MYO5A: variants seen among roughly 807,000 people sequenced by gnomAD.
MYO5A encodes unconventional myosin-Va.
A neutral mutation model predicts 249.7 loss-of-function variants in MYO5A; 98 were observed. That is an observed-to-expected ratio of 0.39 (90% CI 0.33 to 0.46). The LOEUF is 0.46. Among genes scored for constraint, MYO5A ranks in the 20% least tolerant of loss-of-function variants. The probability of loss-of-function intolerance (pLI) is 0.98; values close to 1 mark genes in which losing one functional copy is unlikely to be tolerated. For missense variants in MYO5A, 1,696 were observed against 2,308.8 expected (o/e 0.73, Z 5.44); for synonymous variants, 778 against 810.6 (o/e 0.96, Z 0.68).
chr15:52,528,321 G>T (rs2077762483), intron 1 of MYO5A, among the ~76,000 whole-genome samples: 1 of 152,294 alleles, frequency 6.6e-6, no homozygotes, highest in South Asian at 2.1e-4. Flanking sequence ...CTCACAGAAA[G>T]GCTAGCTGGC....
intron 12 of MYO5A, among the ~76,000 whole-genome samples, chr15:52,391,513 C>T (rs2042235762): frequency 6.6e-6 from 1 of 152,214 alleles, no homozygotes; most frequent in African/African-American, 2.4e-5. Flanking sequence ...AAAGATACAA[C>T]TCCATCCCTC....
intron 1 of MYO5A, among the ~76,000 whole-genome samples, chr15:52,508,079 GC>G (rs58038146): frequency 0.15 from 22,748 of 151,946 alleles, 1,785 homozygotes; most frequent in Middle Eastern, 0.22. Context: ...TAGAGATGAT[GC>G]CCTTAACCAT....
chr15:52,395,401 AC>A (rs1346049954), intron 11 of MYO5A, among the ~76,000 whole-genome samples: 1 of 152,022 alleles, frequency 6.6e-6, no homozygotes, highest in Admixed American at 6.6e-5. Context: ...AAACCATACC[AC>A]TTGACCTCTC....
At chr15:52,489,863 GA>G (rs758529187) in intron 1 of MYO5A, among the ~76,000 whole-genome samples, 1 of 152,048 alleles carries the variant, frequency 6.6e-6, no homozygotes, top group Non-Finnish European at 1.5e-5. Context: ...TTCTACAGCT[GA>G]ACAGCAACAA....
chr15:52,406,545 C>G (rs1444825309), intron 8 of MYO5A, among the ~76,000 whole-genome samples: 2 of 152,148 alleles, frequency 1.3e-5, no homozygotes, highest in African/African-American at 4.8e-5. Flanking sequence ...GGTCCTGGTC[C>G]ACACTGTAAT....
intron 1 of MYO5A, 55 bp from the exon 2 acceptor site, chr15:52,433,340 T>C (rs2075583174): frequency 6.5e-6 from 6 of 918,086 alleles, no homozygotes; most frequent in African/African-American, 1.7e-5. Flanking sequence ...TTTACAATCA[T>C]ATATAAACAT....
At chr15:52,483,364 G>T (rs28417081) in intron 1 of MYO5A, among the ~76,000 whole-genome samples, 6,078 of 152,212 alleles carry the variant, frequency 0.04, 330 homozygotes, top group African/African-American at 0.13. Context: ...GGTCAACAGG[G>T]AGAGTGAGGG....
intron 25 of MYO5A, among the ~76,000 whole-genome samples, chr15:52,358,263 A>C (rs1481887900): frequency 1.3e-5 from 2 of 152,214 alleles, no homozygotes; most frequent in Admixed American, 1.3e-4. Flanking sequence ...GAGCTGCTAA[A>C]GTGGTACTAC....
At chr15:52,466,433 C>T (rs1029423900) in intron 1 of MYO5A, among the ~76,000 whole-genome samples, 2 of 152,150 alleles carry the variant, frequency 1.3e-5, no homozygotes, top group Non-Finnish European at 2.9e-5. Flanking sequence ...ACAGTGACTC[C>T]TATAGCCCAA....
intron 13 of MYO5A, 137 bp downstream of exon 13, chr15:52,389,101 C>T: frequency 2.5e-6 from 2 of 808,350 alleles, no homozygotes; most frequent in Non-Finnish European, 1.9e-6. Flanking sequence ...ACCAACATGT[C>T]AACACTGAAG....
intron 1 of MYO5A, among the ~76,000 whole-genome samples, chr15:52,468,513 T>G (rs2076395768): frequency 6.6e-6 from 1 of 151,952 alleles, no homozygotes; most frequent in African/African-American, 2.4e-5. Context: ...AAAAAAAATT[T>G]TTTTTAATTA....
chr15:52,373,868 A>G (rs767411462), intron 20 of MYO5A, among the ~76,000 whole-genome samples: 2 of 152,192 alleles, frequency 1.3e-5, no homozygotes, highest in Non-Finnish European at 2.9e-5. Context: ...GATCTGGAGT[A>G]GCTATCTTCA....
rs971317323 is a variant in MYO5A at position 52,308,586 on chromosome 15, C to T, written c.*5110G>A. On this transcript the variant is annotated 3_prime_UTR_variant, in exon 42 of 42. Transcript: ENST00000399233. ...ACACAGAGTCCCACTAACTCAGAAGCATTCTCTAAGCTGGCCTCTCACTGG... is the reference window on the plus strand; with the variant it reads ...ACACAGAGTCCCACTAACTCAGAAGTATTCTCTAAGCTGGCCTCTCACTGG... 6.6e-6 allele frequency: 1 copy of T among 152,280 alleles called. No individual in the cohort carries two copies. Among genetic ancestry groups the T allele is most frequent in the East Asian group, 1.9e-4 (1 of 5,194 alleles). The allele number at this position is 152,280 out of a possible 1,614,324, so 9.4% of individuals were successfully genotyped here.
chr15:52,504,876 G>GA (rs1442784299), intron 1 of MYO5A, among the ~76,000 whole-genome samples: 2 of 149,650 alleles, frequency 1.3e-5, no homozygotes, highest in East Asian at 3.9e-4. Flanking sequence ...GCGACACAGC[G>GA]AGACTCCATC....
At chr15:52,317,574 A>G (rs2038084551) in intron 39 of MYO5A, among the ~76,000 whole-genome samples, 1 of 152,212 alleles carries the variant, frequency 6.6e-6, no homozygotes, top group Non-Finnish European at 1.5e-5. Flanking sequence ...AGCTTCTCTT[A>G]CAATTTCAGA....
chr15:52,516,334 A>G (rs973652187), intron 1 of MYO5A, among the ~76,000 whole-genome samples: 2 of 152,216 alleles, frequency 1.3e-5, no homozygotes, highest in Non-Finnish European at 2.9e-5. Flanking sequence ...ATTAATCACT[A>G]TTATTTGATA....
intron 11 of MYO5A, among the ~76,000 whole-genome samples, chr15:52,393,355 TG>T (rs2042338123): frequency 1.3e-5 from 2 of 152,104 alleles, no homozygotes; most frequent in South Asian, 4.1e-4. Flanking sequence ...CTGTACTTAT[TG>T]TAATGCCACT....
At chr15:52,361,522 G>T (rs1383475144) in intron 24 of MYO5A, among the ~76,000 whole-genome samples, 2 of 152,168 alleles carry the variant, frequency 1.3e-5, no homozygotes, top group Non-Finnish European at 2.9e-5. Context: ...TCTGAAACGA[G>T]AGAGAGTTAG....
At chr15:52,446,907 G>A (rs914138525) in intron 1 of MYO5A, among the ~76,000 whole-genome samples, 12 of 152,094 alleles carry the variant, frequency 7.9e-5, no homozygotes, top group African/African-American at 2.2e-4. Context: ...CATACCCCAC[G>A]GTATCTTGGC....
Sources: allele counts gnomAD v4.1 joint callset (sites outside exome capture counted in the v4.1 genomes callset), GRCh38; gene constraint gnomAD v4.1.1; transcripts MANE v1.5; gene names NCBI Gene and HGNC (gene_info 2026-07-23, HGNC 2026-07-21).